Variants in TUBGCP3 observed in about 807,000 individuals in gnomAD.
TUBGCP3 encodes tubulin gamma complex component 3, also known as gamma-tubulin complex component 3.
TUBGCP3 carries 50 observed loss-of-function variants against 123.1 expected under a neutral mutation model. That is an observed-to-expected ratio of 0.41 (90% CI 0.32 to 0.51). The LOEUF (loss-of-function observed/expected upper bound fraction) is 0.51, where lower values mean the gene tolerates loss of function less well. TUBGCP3 is among the 20% of genes least tolerant of loss of function. TUBGCP3 has a pLI of 0.36. For synonymous variants in TUBGCP3, 405 were observed against 413.9 expected (o/e 0.98, Z 0.26); for missense variants, 882 against 1,127.0 (o/e 0.78, Z 3.11).
intron 17 of TUBGCP3, among the ~76,000 whole-genome samples, chr13:112,506,179 C>A (rs962469796): frequency 6.6e-6 from 1 of 152,174 alleles, no homozygotes; most frequent in Non-Finnish European, 1.5e-5. Flanking sequence ...GGAGAAAATT[C>A]ATTTGTTAAA....
chr13:112,544,500 C>CT (rs1878825558), intron 11 of TUBGCP3: 1 of 150,314 alleles, frequency 6.7e-6, no homozygotes, highest in African/African-American at 2.4e-5. Flanking sequence ...ACCCAGCAAT[C>CT]CCACCTCCCA....
At chr13:112,526,676 TCACCATCATCACAC>T (rs1385857004) in intron 13 of TUBGCP3, among the ~76,000 whole-genome samples, 2 of 144,654 alleles carry the variant, frequency 1.4e-5, no homozygotes, top group South Asian at 4.5e-4. Context: ...CATCATCACA[TCACCATCATCACAC>T]CACCATCATT....
chr13:112,544,366 T>C (rs1878805648), intron 11 of TUBGCP3, among the ~76,000 whole-genome samples: 1 of 143,304 alleles, frequency 7.0e-6, no homozygotes, highest in Non-Finnish European at 1.5e-5. Flanking sequence ...GGCAGGAGAA[T>C]GGCGTGAACA....
intron 4 of TUBGCP3, among the ~76,000 whole-genome samples, chr13:112,558,618 A>C (rs1400737599): frequency 6.6e-6 from 1 of 152,248 alleles, no homozygotes; most frequent in African/African-American, 2.4e-5. Flanking sequence ...GAACTCCAAC[A>C]ACCACTACAT....
At chr13:112,558,822 C>A (rs1880266910) in intron 4 of TUBGCP3, among the ~76,000 whole-genome samples, 1 of 152,194 alleles carries the variant, frequency 6.6e-6, no homozygotes, top group South Asian at 2.1e-4. Context: ...CACGCTTCAA[C>A]CTCTTTGCAC....
chr13:112,498,018 G>A (rs1032434692), intron 20 of TUBGCP3, among the ~76,000 whole-genome samples: 1 of 152,038 alleles, frequency 6.6e-6, no homozygotes, highest in African/African-American at 2.4e-5. Flanking sequence ...TTTGGTTCAT[G>A]TACATATACA....
At chr13:112,529,282 G>A (rs1394688523) in intron 11 of TUBGCP3, among the ~76,000 whole-genome samples, 1 of 152,166 alleles carries the variant, frequency 6.6e-6, no homozygotes, top group Non-Finnish European at 1.5e-5. Flanking sequence ...CCCATTTAAT[G>A]AATACACCAT....
chr13:112,507,956 T>C (rs1053503326), intron 17 of TUBGCP3, among the ~76,000 whole-genome samples: 1 of 152,190 alleles, frequency 6.6e-6, no homozygotes, highest in Non-Finnish European at 1.5e-5. Context: ...ATAAAAATGC[T>C]ACTGAATGGC....
intron 1 of TUBGCP3, among the ~76,000 whole-genome samples, chr13:112,579,557 G>A (rs529172481): frequency 2.7e-5 from 4 of 149,972 alleles, no homozygotes; most frequent in East Asian, 2.0e-4. Context: ...GCTGAGTGCC[G>A]GGGGGCCACG....
intron 1 of TUBGCP3, chr13:112,587,367 C>T (rs1180403523): frequency 6.6e-6 from 1 of 152,574 alleles, no homozygotes; most frequent in African/African-American, 2.4e-5. Context: ...ACCCTCTTCC[C>T]ATAATACTCA....
Position 112,485,893 on chromosome 13 carries a change from G to A in TUBGCP3, c.*100C>T, listed in dbSNP as rs1879625314. On this transcript the variant is annotated 3_prime_UTR_variant, in exon 22 of 22. Coordinates refer to ENST00000261965, the MANE Select transcript of TUBGCP3 (RefSeq NM_006322.6). The stretch of plus-strand genomic sequence containing the variant: ...TGGCGCACTCGTGGGCGGAAGGGCA[G>A]GACACCTGCAGCATGCAGTTCCTGC... 4 of 949,790 alleles carry A rather than the reference G, an allele frequency of 4.2e-6. No homozygotes were observed. The highest frequency in any genetic ancestry group is 6.3e-6 in the Non-Finnish European group (4 of 638,846). The allele number at this position is 949,790 out of a possible 1,614,324, so 58.8% of individuals were successfully genotyped here.
intron 8 of TUBGCP3, 115 bp from the exon 9 acceptor site, chr13:112,548,291 A>G (rs1879235940): frequency 1.6e-6 from 1 of 626,660 alleles, no homozygotes; most frequent in African/African-American, 1.8e-5. Flanking sequence ...TACAAGATTT[A>G]AATTCAGGTT....
At chr13:112,549,863 G>A (rs1464844632) in intron 8 of TUBGCP3, among the ~76,000 whole-genome samples, 5 of 151,862 alleles carry the variant, frequency 3.3e-5, no homozygotes, top group Non-Finnish European at 7.4e-5. Context: ...GTTGGCGGGT[G>A]CCTGTGGTCC....
the TUBGCP3 span, among the ~76,000 whole-genome samples, chr13:112,599,833 T>C: frequency 1.3e-5 from 2 of 152,176 alleles, no homozygotes; most frequent in African/African-American, 4.8e-5. Context: ...CCTTATGTTT[T>C]ATACCATTTT....
intron 1 of TUBGCP3, among the ~76,000 whole-genome samples, chr13:112,583,567 A>G (rs932541001): frequency 6.6e-6 from 1 of 152,246 alleles, no homozygotes; most frequent in Non-Finnish European, 1.5e-5. Context: ...TGTATCCCCA[A>G]AAGATTCTAT....
intron 14 of TUBGCP3, among the ~76,000 whole-genome samples, chr13:112,521,238 T>C (rs559976106): frequency 1.3e-5 from 2 of 152,372 alleles, no homozygotes; most frequent in Admixed American, 1.3e-4. Flanking sequence ...TTTACTGTAC[T>C]AGTGAACTTT....
intron 8 of TUBGCP3, among the ~76,000 whole-genome samples, chr13:112,550,671 GTTTTC>G (rs1243366934): frequency 6.6e-6 from 1 of 152,230 alleles, no homozygotes; most frequent in Non-Finnish European, 1.5e-5. Flanking sequence ...CCATAGGTCA[GTTTTC>G]TTAGGTAATA....
chr13:112,538,819 A>G (rs147704170), intron 11 of TUBGCP3, among the ~76,000 whole-genome samples: 405 of 152,370 alleles, frequency 2.7e-3, no homozygotes, highest in African/African-American at 9.1e-3. Flanking sequence ...TATAATTCCC[A>G]TTAGGGAAAC....
chr13:112,518,984 T>G lies in TUBGCP3; in HGVS notation c.1941A>C (p.Pro647=), dbSNP rs887404366. ...VFSLDYHVDG[P]IATVFTRECM... ...TGCAGGATAATCTTACAGTTGCAATTGGTCCGTCAACATGATAATCGAGGC... is the reference window on the plus strand; with the variant it reads ...TGCAGGATAATCTTACAGTTGCAATGGGTCCGTCAACATGATAATCGAGGC... Residue 647 remains proline, a synonymous_variant, in exon 16 of 22, where the codon CCA becomes CCC. Transcript: ENST00000261965. The G allele has an allele frequency of 1.2e-6, 2 of 1,613,368 alleles. No homozygotes were observed. The highest frequency in any genetic ancestry group is 1.7e-6 in the Non-Finnish European group (2 of 1,179,274).
Sources: gnomAD v4.1 joint callset for allele counts (sites outside exome capture counted in the v4.1 genomes callset) on GRCh38, gnomAD v4.1.1 for gene constraint, MANE v1.5 for transcripts, NCBI Gene and HGNC (gene_info 2026-07-23, HGNC 2026-07-21) for gene names.